PHF20: variants seen among roughly 807,000 people sequenced by gnomAD.
The protein encoded by PHF20 is PHD finger protein 20.
Under a neutral mutation model 113.5 loss-of-function variants are expected in PHF20, and 23 were observed. The ratio of observed to expected loss-of-function variants is 0.20; its 90% CI spans 0.15 to 0.29. The LOEUF is 0.29. Ranked by LOEUF, PHF20 falls within the 10% of genes least tolerant of loss-of-function variation. The probability of loss-of-function intolerance (pLI) is 1.00; values close to 1 mark genes in which losing one functional copy is unlikely to be tolerated. For missense variants in PHF20, 943 were observed against 1,219.6 expected, an observed-to-expected ratio of 0.77 and a Z score of 3.38; for synonymous variants, 434 against 457.3, an observed-to-expected ratio of 0.95 and a Z score of 0.65.
At chr20:35,835,449 G>C (rs1407551384) in intron 2 of PHF20, among the ~76,000 whole-genome samples, 1 of 152,110 alleles carries the variant, frequency 6.6e-6, no homozygotes, top group Non-Finnish European at 1.5e-5. Flanking sequence ...CTGAAACTGG[G>C]CAGGAAGGGC....
chr20:35,787,046 C>T (rs1427588183), intron 1 of PHF20, among the ~76,000 whole-genome samples: 4 of 147,294 alleles, frequency 2.7e-5, no homozygotes, highest in Admixed American at 1.4e-4. Flanking sequence ...AGCTGGAGTA[C>T]GGTGGTGCAA....
chr20:35,813,985 C>T (rs540735959), intron 2 of PHF20, among the ~76,000 whole-genome samples: 156 of 146,958 alleles, frequency 1.1e-3, no homozygotes, highest in Admixed American at 1.8e-3. Context: ...GTTGAGGCTG[C>T]AGTTAGCTAT....
At chr20:35,911,845 G>A (rs2055310755) in intron 10 of PHF20, among the ~76,000 whole-genome samples, 1 of 151,980 alleles carries the variant, frequency 6.6e-6, no homozygotes, top group South Asian at 2.1e-4. Flanking sequence ...TTTTAGTAGA[G>A]ACGGGGTTTT....
chr20:35,779,816 C>T (rs1039155145), intron 1 of PHF20, among the ~76,000 whole-genome samples: 2 of 152,234 alleles, frequency 1.3e-5, no homozygotes, highest in East Asian at 3.9e-4. Context: ...CCACTGTGCC[C>T]GGCCAATGCC....
intron 2 of PHF20, among the ~76,000 whole-genome samples, chr20:35,818,045 A>C (rs1324045035): frequency 1.3e-5 from 2 of 152,060 alleles, no homozygotes; most frequent in Admixed American, 6.6e-5. Context: ...GCACTTTAGG[A>C]GGCCTAGGTG....
chr20:35,848,703 A>C (rs1223564390), intron 4 of PHF20, among the ~76,000 whole-genome samples: 1 of 151,960 alleles, frequency 6.6e-6, no homozygotes, highest in Non-Finnish European at 1.5e-5. Flanking sequence ...ACTATGAAAA[A>C]AAAATTAGAT....
At chr20:35,773,561 A>G (rs1300292736) in intron 1 of PHF20, among the ~76,000 whole-genome samples, 1 of 152,094 alleles carries the variant, frequency 6.6e-6, no homozygotes, top group Non-Finnish European at 1.5e-5. Flanking sequence ...CTACCAGCAC[A>G]TTGTTTTTGA....
At chr20:35,910,036 G>A (rs2055268821) in intron 10 of PHF20, among the ~76,000 whole-genome samples, 1 of 152,190 alleles carries the variant, frequency 6.6e-6, no homozygotes, top group South Asian at 2.1e-4. Flanking sequence ...AGTTAAAATG[G>A]AATCTGATTG....
intron 9 of PHF20, among the ~76,000 whole-genome samples, chr20:35,880,711 AGCACTTTG>A (rs2054613198): frequency 6.6e-6 from 1 of 152,176 alleles, no homozygotes; most frequent in African/African-American, 2.4e-5. Flanking sequence ...CTGTAATTCC[AGCACTTTG>A]GGAGGCTGAC....
chr20:35,927,369 T>C (rs539118692), intron 13 of PHF20, among the ~76,000 whole-genome samples: 2 of 152,292 alleles, frequency 1.3e-5, no homozygotes, highest in Admixed American at 1.3e-4. Context: ...ATATGACCCA[T>C]TGAATCTTCA....
At chr20:35,785,066 G>A (rs912579828) in intron 1 of PHF20, among the ~76,000 whole-genome samples, 2 of 151,614 alleles carry the variant, frequency 1.3e-5, no homozygotes, top group Admixed American at 1.3e-4. Flanking sequence ...AAAAAAAAGA[G>A]GGTAGTGGGT....
intron 5 of PHF20, among the ~76,000 whole-genome samples, chr20:35,861,956 T>C (rs2054225842): frequency 6.6e-6 from 1 of 152,250 alleles, no homozygotes; most frequent in East Asian, 1.9e-4. Flanking sequence ...TGGTGGTCTC[T>C]GCTCTTTTGA....
intron 1 of PHF20, among the ~76,000 whole-genome samples, chr20:35,788,799 A>G (rs1480475228): frequency 1.3e-5 from 2 of 150,190 alleles, no homozygotes; most frequent in Non-Finnish European, 3.0e-5. Flanking sequence ...GGTGTTCTTG[A>G]ACTGACGTCA....
intron 4 of PHF20, chr20:35,856,206 A>G (rs927923790): frequency 2.6e-5 from 4 of 152,138 alleles, no homozygotes; most frequent in Admixed American, 1.3e-4. Context: ...TGAGAACATC[A>G]AAGTTTGTCT....
At chr20:35,891,237 C>T (rs2054844894) in intron 9 of PHF20, among the ~76,000 whole-genome samples, 2 of 151,872 alleles carry the variant, frequency 1.3e-5, no homozygotes, top group Non-Finnish European at 2.9e-5. Context: ...ATTAGCTGGG[C>T]GTGATGGCAG....
chr20:35,776,565 C>A (rs562877129), intron 1 of PHF20, among the ~76,000 whole-genome samples: 1 of 151,944 alleles, frequency 6.6e-6, no homozygotes, highest in Non-Finnish European at 1.5e-5. Context: ...AGTGTTTTTC[C>A]TTTCTAAGTG....
chr20:35,931,577 T>C lies in PHF20; in HGVS notation c.2300+133T>C, dbSNP rs2055754222. The C allele has an allele frequency of 8.2e-6, 5 of 610,262 alleles. No individual in the cohort carries two copies. In the East Asian group the frequency reaches 1.4e-4, roughly 17 times the overall value. The allele number at this position is 610,262 out of a possible 1,614,324, so 37.8% of individuals were successfully genotyped here. A position where few individuals can be genotyped will look rare whatever the true frequency, so the allele number is the denominator to read the frequency against. Reference sequence around the variant, plus strand: ...AGTTTGAGACCTTTACTAAAAATTATCAGTTTCAGGATAAACATTCTTTAA... The same window carrying C: ...AGTTTGAGACCTTTACTAAAAATTACCAGTTTCAGGATAAACATTCTTTAA... On this transcript the variant is annotated intron_variant, in intron 15 of 17. Coordinates refer to ENST00000374012, the MANE Select transcript of PHF20 (RefSeq NM_016436.5).
At chr20:35,873,365 T>G (rs1479022937) in intron 9 of PHF20, among the ~76,000 whole-genome samples, 1 of 151,896 alleles carries the variant, frequency 6.6e-6, no homozygotes, top group Non-Finnish European at 1.5e-5. Flanking sequence ...CCTCCCAAAG[T>G]GCTAGGATTA....
chr20:35,842,563 TC>T lies in PHF20; in HGVS notation c.84-9del. The T allele has an allele frequency of 6.2e-7, 1 of 1,600,180 alleles. No homozygotes were observed. On this transcript the variant is annotated splice_polypyrimidine_tract_variant and intron_variant, in intron 2 of 17. Coordinates refer to ENST00000374012, the MANE Select transcript of PHF20 (RefSeq NM_016436.5). ...TTAAAGGAATGCCAATTTTTTTTTT[TC>T]TGACTCAGGTATCCAGCTCACATAG...
Sources: allele counts gnomAD v4.1 joint callset (sites outside exome capture counted in the v4.1 genomes callset), GRCh38; gene constraint gnomAD v4.1.1; transcripts MANE v1.5; gene names NCBI Gene and HGNC (gene_info 2026-07-23, HGNC 2026-07-21).